The following GEMIN2 variants were observed in gnomAD, a reference collection of about 807,000 sequenced individuals.
The protein encoded by GEMIN2 is gem nuclear organelle associated protein 2.
Under a neutral mutation model 45.8 loss-of-function variants are expected in GEMIN2, and 37 were observed. That is an observed-to-expected ratio of 0.81 (90% CI 0.62 to 1.06). The LOEUF (loss-of-function observed/expected upper bound fraction) is 1.06. Ranked by LOEUF, GEMIN2 falls within the 50% of genes least tolerant of loss-of-function variation. The pLI, the probability that GEMIN2 is intolerant of heterozygous loss-of-function variation, is 0.00. For missense variants in GEMIN2, 335 were observed against 321.8 expected, an observed-to-expected ratio of 1.04 and a Z score of -0.31; for synonymous variants, 101 against 111.5, an observed-to-expected ratio of 0.91 and a Z score of 0.60.
At chr14:39,133,816 T>C (rs1449666290) in intron 9 of GEMIN2, 97 bp downstream of exon 9, 1 of 680,818 alleles carries the variant, frequency 1.5e-6, no homozygotes, top group African/African-American at 1.9e-5. Flanking sequence ...TGGTTTTTTT[T>C]TGAGTCTCAC....
At chr14:39,136,408 T>C in intron 9 of GEMIN2, 32 bp from the exon 10 acceptor site, 1 of 1,095,616 alleles carries the variant, frequency 9.1e-7, no homozygotes, top group Non-Finnish European at 1.4e-6. Flanking sequence ...TTAATATCTT[T>C]ATACATAAAT....
rs1275595164 is a variant in GEMIN2 at position 39,122,517 on chromosome 14, G to C, written c.460G>C (p.Glu154Gln). 1.3e-6 allele frequency: 2 copies of C among 1,586,262 alleles called. No individual in the cohort carries two copies. Among genetic ancestry groups the C allele is most frequent in the Non-Finnish European group, 1.7e-6 (2 of 1,156,344 alleles). Reference sequence around the variant, plus strand: ...CGGGGCTGTTGGACCAGCCACAAATGAAAGTCCTGGAATAGATTATGTACA... The same window carrying C: ...CGGGGCTGTTGGACCAGCCACAAATCAAAGTCCTGGAATAGATTATGTACA... ...ADGAVGPATNESPGIDYVQIG... is the reference protein window; with the variant it reads ...ADGAVGPATNQSPGIDYVQIG... The change falls in exon 5 of 10, where the codon GAA (glutamate) becomes CAA (glutamine). Residue 154 changes from glutamate to glutamine, a missense_variant. Coordinates refer to ENST00000308317, the MANE Select transcript of GEMIN2 (RefSeq NM_003616.3).
chr14:39,114,401 G>C lies in GEMIN2; in HGVS notation c.63G>C (p.Glu21Asp). The change falls in exon 1 of 10, where the codon GAG (glutamate) becomes GAC (aspartate). Residue 21 changes from glutamate to aspartate, a missense_variant. Glu to Asp is a conservative substitution (Grantham distance 45, BLOSUM62 2). Transcript: ENST00000308317. ...TGATGCCTCGGCTATTGCCGGTAGA[G>C]CCTTGCGACTTGACGGAAGGTTTCG... is the stretch of plus-strand genomic sequence containing the variant. Reference protein sequence around the residue: ...EELMPRLLPVEPCDLTEGFDP... With the variant: ...EELMPRLLPVDPCDLTEGFDP... The C allele has an allele frequency of 6.2e-7, 1 of 1,614,008 alleles. No individual in the cohort carries two copies. The highest frequency in any genetic ancestry group is 1.1e-5 in the South Asian group (1 of 91,076).
At chr14:39,121,901 T>C (rs2052577412) in intron 4 of GEMIN2, 2 of 177,364 alleles carry the variant, frequency 1.1e-5, no homozygotes, top group Admixed American at 5.7e-5. Context: ...TTTGTATTTT[T>C]AGTAGAGGTG....
chr14:39,116,194 CCTGA>C (rs1344158017), intron 2 of GEMIN2, among the ~76,000 whole-genome samples: 1 of 151,724 alleles, frequency 6.6e-6, no homozygotes, highest in African/African-American at 2.4e-5. Context: ...TGCCACCACA[CCTGA>C]CTAATTTTTG....
chr14:39,116,202 A>C (rs532920358), intron 2 of GEMIN2, among the ~76,000 whole-genome samples: 4 of 151,760 alleles, frequency 2.6e-5, no homozygotes, highest in African/African-American at 9.7e-5. Context: ...CACCTGACTA[A>C]TTTTTGTATT....
At chr14:39,133,931 C>A in intron 9 of GEMIN2, 1 of 329,478 alleles carries the variant, frequency 3.0e-6, no homozygotes, top group South Asian at 6.3e-5. Context: ...GTAGCTAGGA[C>A]CACAACCAAG....
At position 39,118,611 on chromosome 14, in the gene GEMIN2, T is replaced by C. The variant is rs1368915103; in HGVS notation, c.372+12T>C. 7.8e-6 allele frequency: 10 copies of C among 1,283,858 alleles called. No homozygotes were observed. Among genetic ancestry groups the C allele is most frequent in the Non-Finnish European group, 1.1e-5 (10 of 879,202 alleles). The allele number at this position is 1,283,858 out of a possible 1,614,324, so 79.5% of individuals were successfully genotyped here. On this transcript the variant is annotated intron_variant, in intron 4 of 9. Coordinates refer to ENST00000308317, the MANE Select transcript of GEMIN2 (RefSeq NM_003616.3). ...GTAATGTGACAATGGTATGTAAGTT[T>C]CTCAGTTTTAAGATGTACAATGTAT...
chr14:39,117,262 C>T (rs1443091982), intron 2 of GEMIN2, among the ~76,000 whole-genome samples: 3 of 107,212 alleles, frequency 2.8e-5, no homozygotes, highest in South Asian at 3.6e-4. Context: ...AGGAGCGAAA[C>T]TCCGTCTCAA....
chr14:39,126,642 A>C (rs1196971461), intron 6 of GEMIN2, among the ~76,000 whole-genome samples: 1 of 152,252 alleles, frequency 6.6e-6, no homozygotes, highest in Non-Finnish European at 1.5e-5. Flanking sequence ...GATTATTTTC[A>C]AGAGTTTGAT....
chr14:39,116,728 CTTAA>C (rs1383466635), intron 2 of GEMIN2, among the ~76,000 whole-genome samples: 1 of 152,022 alleles, frequency 6.6e-6, no homozygotes, highest in African/African-American at 2.4e-5. Context: ...AACAGAATGT[CTTAA>C]TATACCTAAT....
chr14:39,117,667 T>G (rs2052526353), intron 2 of GEMIN2, among the ~76,000 whole-genome samples: 1 of 152,186 alleles, frequency 6.6e-6, no homozygotes, highest in Admixed American at 6.5e-5. Flanking sequence ...TATCTCTCTT[T>G]TTGTTTCTGT....
chr14:39,123,685 G>GATATATATATATATAT (rs1566532769), intron 5 of GEMIN2, among the ~76,000 whole-genome samples: 1 of 59,596 alleles, frequency 1.7e-5, no homozygotes, highest in Non-Finnish European at 3.1e-5. Context: ...TTCAAAAATA[G>GATATATATATATATAT]CTATATATAT....
At position 39,122,531 on chromosome 14, in the gene GEMIN2, A is replaced by C; in HGVS notation, c.474A>C (p.Ile158=). 6.5e-7 allele frequency: 1 copy of C among 1,548,674 alleles called. No homozygotes were observed. The highest frequency in any genetic ancestry group is 8.9e-7 in the Non-Finnish European group (1 of 1,122,806). Residue 158 remains isoleucine, a synonymous_variant, in exon 5 of 10, where the codon ATA becomes ATC. Coordinates refer to ENST00000308317, the MANE Select transcript of GEMIN2 (RefSeq NM_003616.3). ...CAGCCACAAATGAAAGTCCTGGAAT[A>C]GATTATGTACAAGTAAGGGCTGTGT... ...VGPATNESPG[I]DYVQIGFPPL...
intron 7 of GEMIN2, among the ~76,000 whole-genome samples, chr14:39,129,877 A>G (rs1273222663): frequency 6.7e-6 from 1 of 149,398 alleles, no homozygotes; most frequent in African/African-American, 2.5e-5. Flanking sequence ...TCAATGAAAG[A>G]GTTGATGTAT....
chr14:39,132,176 A>C (rs1245504109), intron 8 of GEMIN2, 108 bp downstream of exon 8: 1 of 681,184 alleles, frequency 1.5e-6, no homozygotes, highest in Non-Finnish European at 2.6e-6. Context: ...TATTGGTGGC[A>C]ATTAGATTTG....
intron 7 of GEMIN2, among the ~76,000 whole-genome samples, chr14:39,131,246 G>A (rs188128715): frequency 2.1e-4 from 32 of 152,238 alleles, no homozygotes; most frequent in Middle Eastern, 3.4e-3. Context: ...GCAGTGAGCC[G>A]AGATCGCGCC....
Position 39,114,399 on chromosome 14 carries a change from G to C in GEMIN2, c.61G>C (p.Glu21Gln), listed in dbSNP as rs767037194. The C allele has an allele frequency of 6.2e-7, 1 of 1,614,030 alleles. No individual in the cohort carries two copies. Among genetic ancestry groups the C allele is most frequent in the Non-Finnish European group, 8.5e-7 (1 of 1,179,832 alleles). Reference sequence around the variant, plus strand: ...GTTGATGCCTCGGCTATTGCCGGTAGAGCCTTGCGACTTGACGGAAGGTTT... The same window carrying C: ...GTTGATGCCTCGGCTATTGCCGGTACAGCCTTGCGACTTGACGGAAGGTTT... ...EELMPRLLPV[E>Q]PCDLTEGFDP... Residue 21 changes from glutamate to glutamine, a missense_variant, in exon 1 of 10, where the codon GAG (glutamate) becomes CAG (glutamine). Transcript: ENST00000308317.
At chr14:39,131,008 G>A (rs8009933) in intron 7 of GEMIN2, among the ~76,000 whole-genome samples, 96,300 of 151,870 alleles carry the variant, frequency 0.63, 30,949 homozygotes, top group East Asian at 0.73. Flanking sequence ...ATTGAAAAAA[G>A]GTTGTACAGC....
Sources: allele counts gnomAD v4.1 joint callset (sites outside exome capture counted in the v4.1 genomes callset), GRCh38; gene constraint gnomAD v4.1.1; transcripts MANE v1.5; gene names NCBI Gene and HGNC (gene_info 2026-07-23, HGNC 2026-07-21).